ARAP3: variants seen among roughly 807,000 people sequenced by gnomAD.
ARAP3 encodes ArfGAP with RhoGAP domain, ankyrin repeat and PH domain 3, also known as arf-GAP with Rho-GAP domain, ANK repeat and PH domain-containing protein 3.
A neutral mutation model predicts 169.2 loss-of-function variants in ARAP3; 82 were observed. The observed-to-expected ratio is 0.48, with a 90% CI of 0.41 to 0.58. ARAP3 has a LOEUF of 0.58. Among genes scored for constraint, ARAP3 ranks in the 20% least tolerant of loss-of-function variants. ARAP3 has a pLI of 0.00. For missense variants in ARAP3, 1,764 were observed against 2,018.0 expected, an observed-to-expected ratio of 0.87 and a Z score of 2.41; for synonymous variants, 791 against 800.3, an observed-to-expected ratio of 0.99 and a Z score of 0.20.
intron 1 of ARAP3, among the ~76,000 whole-genome samples, chr5:141,681,463 G>GCCTGACCCCGAC (rs570746333): frequency 0.013 from 2,027 of 152,048 alleles, 45 homozygotes; most frequent in African/African-American, 0.045. Context: ...CCTTCCACCA[G>GCCTGACCCCGAC]CCTGACCCCG....
chr5:141,662,144 T>C lies in ARAP3; in HGVS notation c.2912A>G (p.His971Arg). The part of the protein sequence containing the change: ...ARSVKLRPGE[H>R]FVEDVTDTLK... ...TGTGTCAGTGACATCCTCCACAAAGTGCTCCCCTGGTCGGAGCTTCACCGA... is the reference window on the plus strand; with the variant it reads ...TGTGTCAGTGACATCCTCCACAAAGCGCTCCCCTGGTCGGAGCTTCACCGA... The change falls in exon 20 of 33, where the codon CAC (histidine) becomes CGC (arginine). Residue 971 changes from histidine (H) to arginine (R), a missense_variant. By Grantham distance (29) the His-to-Arg change is conservative. Around this residue, in one of 3 missense-constraint regions of ARAP3, gnomAD observed 1,112 missense variants for 1,285.7 expected, o/e 0.86. Coordinates refer to ENST00000239440, the MANE Select transcript of ARAP3 (RefSeq NM_022481.6). 1.2e-6 allele frequency: 2 copies of C among 1,614,190 alleles called. No homozygotes were observed. Among genetic ancestry groups the C allele is most frequent in the Non-Finnish European group, 1.7e-6 (2 of 1,180,034 alleles).
chr5:141,671,304 G>A lies in ARAP3; in HGVS notation c.1951C>T (p.Pro651Ser), dbSNP rs2099911408. The stretch of plus-strand genomic sequence containing the variant: ...CCAGGGCAGCTGCCATCAGGGGCTG[G>A]GGGGAACCAGGGCTCCTCGCCTTCA... The part of the protein sequence containing the change: ...AFEGEEPWFP[P>S]APDGSCPGLL... Residue 651 changes from proline (P) to serine (S), a missense_variant, in exon 13 of 33, where the codon CCA becomes TCA. Physicochemically the swap from Pro to Ser is moderately conservative, Grantham distance 74 (BLOSUM62 -1). Coordinates refer to ENST00000239440, the MANE Select transcript of ARAP3 (RefSeq NM_022481.6). This position sits in a 1 kb window ranked among gnomAD's most constrained non-coding sequence, Gnocchi z 4.9. 6.2e-7 allele frequency: 1 copy of A among 1,613,282 alleles called. No homozygotes were observed.
intron 21 of ARAP3, 42 bp downstream of exon 21, chr5:141,661,642 T>C: frequency 1.9e-6 from 3 of 1,542,540 alleles, no homozygotes; most frequent in Non-Finnish European, 2.7e-6. Flanking sequence ...AGGGTCAGAT[T>C]GAAGTGAGGA....
chr5:141,672,497 C>A lies in ARAP3; in HGVS notation c.1385+55G>T. 1 of 1,593,708 alleles carries A rather than the reference C, an allele frequency of 6.3e-7. No individual in the cohort carries two copies. The highest frequency in any genetic ancestry group is 1.1e-5 in the South Asian group (1 of 88,632). On this transcript the variant is annotated intron_variant, in intron 9 of 32. Coordinates refer to ENST00000239440, the MANE Select transcript of ARAP3 (RefSeq NM_022481.6). The surrounding 1 kb of genome is among the most constrained non-coding windows in gnomAD (Gnocchi z 4.9). ...AAAGAGGCCTCTAGTCCTCTGCACC[C>A]TTGTGCCTCCCGCAAAAGTCCCCCA...
In ARAP3 at chr5:141,655,747, C is replaced by T. The variant is rs141686969; in HGVS notation, c.3984G>A (p.Gln1328=). ...TSILKAQHDD[Q]QPVVLRRHSS... The stretch of plus-strand genomic sequence containing the variant: ...AATGGCGTCGTAAGACCACTGGCTG[C>T]TGGTCATCGTGCTGGTGGGAGCGTG... The change falls in exon 31 of 33, where the codon CAG becomes CAA. Residue 1328 remains glutamine, a synonymous_variant. Transcript: ENST00000239440. 207 of 1,614,168 alleles carry T rather than the reference C, an allele frequency of 1.3e-4. No homozygotes were observed. In the African/African-American group the frequency reaches 2.3e-3, roughly 18 times the overall value.
rs373736452 is a variant in ARAP3 at position 141,672,067 on chromosome 5, C to T, written c.1585+35G>A. Reference sequence around the variant, plus strand: ...CCCTGAGCCCTCTAGTCCCAGCCCTCCTGTTCCCCACATGGGCTTGAGGCC... The same window carrying T: ...CCCTGAGCCCTCTAGTCCCAGCCCTTCTGTTCCCCACATGGGCTTGAGGCC... On this transcript the variant is annotated intron_variant, in intron 10 of 32. Transcript: ENST00000239440. This position sits in a 1 kb window ranked among gnomAD's most constrained non-coding sequence, Gnocchi z 4.9. 6.2e-6 allele frequency: 10 copies of T among 1,614,058 alleles called. No individual in the cohort carries two copies. The highest frequency in any genetic ancestry group is 1.1e-5 in the South Asian group (1 of 91,082).
rs1023819240 is a variant in ARAP3, at chr5:141,673,027, C to T, written c.1079G>A (p.Arg360His). Residue 360 changes from arginine (R) to histidine (H), a missense_variant, in exon 7 of 33, where the codon CGC becomes CAC. By Grantham distance (29) the Arg-to-His change is conservative. Around this residue, in one of 3 missense-constraint regions of ARAP3, gnomAD observed 630 missense variants for 678.7 expected, o/e 0.93. Transcript: ENST00000239440. The part of the protein sequence containing the change: ...VITGQRVFVF[R>H]TESEAQRDMW... ...GTGGCCCTCACCCTCGCTCTCTGTG[C>T]GGAACACGAACACCCTCTGGCCGGT... is the stretch of plus-strand genomic sequence containing the variant. 5 of 1,614,146 alleles carry T rather than the reference C, an allele frequency of 3.1e-6. No individual in the cohort carries two copies. The highest frequency in any genetic ancestry group is 2.2e-5 in the East Asian group (1 of 44,870).
In ARAP3 at chr5:141,653,679, G is replaced by T. The variant is rs184224756; in HGVS notation, c.*271C>A. 540 of 350,380 alleles carry T rather than the reference G, an allele frequency of 1.5e-3. 1 individual carries two copies. The South Asian group carries it at 0.018, about 11-fold the overall frequency. The allele number at this position is 350,380 out of a possible 1,614,324, so 21.7% of individuals were successfully genotyped here. A position where few individuals can be genotyped will look rare whatever the true frequency, so the allele number is the denominator to read the frequency against. Reference sequence around the variant, plus strand: ...CTGCCCTTGTTCAGGGATAATATGTGGGGCTTATGGCTCTAAGAAACACAG... The same window carrying T: ...CTGCCCTTGTTCAGGGATAATATGTTGGGCTTATGGCTCTAAGAAACACAG... On this transcript the variant is annotated 3_prime_UTR_variant, in exon 33 of 33. Transcript: ENST00000239440.
chr5:141,679,218 G>C (rs969787023), intron 4 of ARAP3, among the ~76,000 whole-genome samples: 4 of 152,198 alleles, frequency 2.6e-5, no homozygotes, highest in African/African-American at 7.2e-5. Flanking sequence ...GAACCCAGGA[G>C]GGGGAGGTTG....
chr5:141,655,394 G>A lies in ARAP3; in HGVS notation c.4117C>T (p.Leu1373=). ...ATGGACAGGGTCCTCCGGTTGTGTA[G>A]TCGCCGCTGGACACAGGTGGGGTGG... is the stretch of plus-strand genomic sequence containing the variant. ...LLSANQTLRR[L]HNRRTLSMFF... Residue 1373 remains leucine, a synonymous_variant, in exon 32 of 33, where the codon CTA becomes TTA. Transcript: ENST00000239440. 1 of 1,586,442 alleles carries A rather than the reference G, an allele frequency of 6.3e-7. No individual in the cohort carries two copies. The highest frequency in any genetic ancestry group is 1.1e-5 in the South Asian group (1 of 87,040).
At chr5:141,667,820 T>C (rs1303783729) in intron 16 of ARAP3, among the ~76,000 whole-genome samples, 1 of 149,990 alleles carries the variant, frequency 6.7e-6, no homozygotes, top group Non-Finnish European at 1.5e-5. Flanking sequence ...GGCAGGCAGA[T>C]CACCTGAGGT....
In ARAP3 at chr5:141,680,405, G is replaced by T. The variant is rs755948720; in HGVS notation, c.82C>A (p.His28Asn). Residue 28 changes from histidine to asparagine, a missense_variant, in exon 2 of 33, where the codon CAT becomes AAT. Around this residue, in one of 3 missense-constraint regions of ARAP3, gnomAD observed 630 missense variants for 678.7 expected, o/e 0.93. Transcript: ENST00000239440. ...GCTGCACCTGCTGTAGCCAGGCCAT[G>T]CCGTCGGAACGTGTCTGCATACTGC... ...LEQYADTFRR[H>N]GLATAGAARG... 6.2e-7 allele frequency: 1 copy of T among 1,613,746 alleles called. No homozygotes were observed. The highest frequency in any genetic ancestry group is 1.3e-5 in the African/African-American group (1 of 74,946).
chr5:141,675,353 T>TA (rs1320742024), intron 4 of ARAP3, among the ~76,000 whole-genome samples: 2 of 152,046 alleles, frequency 1.3e-5, no homozygotes, highest in Admixed American at 1.3e-4. Flanking sequence ...ACCAGACACT[T>TA]AAATGTGAAT....
At chr5:141,662,004 T>C in intron 20 of ARAP3, 39 bp downstream of exon 20, 3 of 1,609,208 alleles carry the variant, frequency 1.9e-6, no homozygotes, top group African/African-American at 2.7e-5. Flanking sequence ...AAGGCAGAGA[T>C]CCTGGTTGGG....
rs2099908873 is a variant in ARAP3 at position 141,654,049 on chromosome 5, G to A, written c.4536C>T (p.Pro1512=). The A allele has an allele frequency of 6.2e-7, 1 of 1,600,848 alleles. No homozygotes were observed. The change falls in exon 33 of 33, where the codon CCC becomes CCT. Residue 1512 remains proline, a synonymous_variant. Coordinates refer to ENST00000239440, the MANE Select transcript of ARAP3 (RefSeq NM_022481.6). The part of the protein sequence containing the change: ...GLGSPSQPSS[P]QSPSPTGLPT... The stretch of plus-strand genomic sequence containing the variant: ...GAAGGCCAGTGGGGCTGGGGGATTG[G>A]GGGCTGGATGGCTGGGAAGGACTTC...
At chr5:141,661,825 G>C in intron 20 of ARAP3, 36 bp from the exon 21 acceptor site, 1 of 1,605,972 alleles carries the variant, frequency 6.2e-7, no homozygotes, top group Non-Finnish European at 8.5e-7. Context: ...GGGAGGACCC[G>C]GGAAGAAAGA....
intron 4 of ARAP3, among the ~76,000 whole-genome samples, chr5:141,676,663 A>C (rs2099912228): frequency 6.6e-6 from 1 of 152,020 alleles, no homozygotes; most frequent in African/African-American, 2.4e-5. Context: ...ATGACATCAC[A>C]TTCTCCTGGC....
intron 19 of ARAP3, among the ~76,000 whole-genome samples, chr5:141,662,816 G>A (rs1387728250): frequency 1.3e-5 from 2 of 152,208 alleles, no homozygotes; most frequent in African/African-American, 4.8e-5. Flanking sequence ...TTCTACGTGT[G>A]AGAAAGCTGT....
chr5:141,666,407 C>A lies in ARAP3; in HGVS notation c.2572+17G>T, dbSNP rs551957672. The A allele has an allele frequency of 9.1e-6, 14 of 1,540,216 alleles. No homozygotes were observed. Among genetic ancestry groups the A allele is most frequent in the Non-Finnish European group, 1.1e-5 (13 of 1,141,238 alleles). ...TGGCCACCCTTCATCCCTGTCCCCC[C>A]AAACCTCCCCGCTTACTGATCTCCT... On this transcript the variant is annotated intron_variant, in intron 17 of 32. Transcript: ENST00000239440.
Sources: gnomAD v4.1 joint callset for allele counts (sites outside exome capture counted in the v4.1 genomes callset) on GRCh38, gnomAD v4.1.1 for gene constraint, gnomAD v4.1.1 regional missense constraint, Gnocchi (gnomAD v3.1) non-coding constraint, MANE v1.5 for transcripts, NCBI Gene and HGNC (gene_info 2026-07-23, HGNC 2026-07-21) for gene names.